RYR2: variants seen among roughly 807,000 people sequenced by gnomAD.
RYR2 encodes cardiac muscle ryanodine receptor-calcium release channel.
RYR2 carries 227 observed loss-of-function variants against 601.1 expected under a neutral mutation model. The observed-to-expected ratio is 0.38, with a 90% confidence interval of 0.34 to 0.42. RYR2 has a LOEUF of 0.42. Ranked by LOEUF, RYR2 falls within the 10% of genes least tolerant of loss-of-function variation. The pLI, the probability that RYR2 is intolerant of heterozygous loss-of-function variation, is 1.00. For synonymous variants in RYR2, 2,223 were observed against 2,175.1 expected, an observed-to-expected ratio of 1.02 and a Z score of -0.61; for missense variants, 4,646 against 6,156.5, an observed-to-expected ratio of 0.75 and a Z score of 8.21.
chr1:237,387,993 C>A, intron 9 of RYR2, 94 bp from the exon 10 acceptor site: 3 of 1,175,398 alleles, frequency 2.6e-6, no homozygotes, highest in African/African-American at 3.0e-5. Context: ...ACTTCAGTTT[C>A]TTTACGAAAG....
chr1:237,811,150 C>A (rs1661211230), intron 100 of RYR2, among the ~76,000 whole-genome samples: 1 of 152,160 alleles, frequency 6.6e-6, no homozygotes, highest in Non-Finnish European at 1.5e-5. Flanking sequence ...AGAAGATAAT[C>A]TGCCTTCAGT....
At chr1:237,440,204 A>G (rs1707781937) in intron 12 of RYR2, among the ~76,000 whole-genome samples, 1 of 152,140 alleles carries the variant, frequency 6.6e-6, no homozygotes, top group South Asian at 2.1e-4. Flanking sequence ...GACATGAAAA[A>G]TCTGTTAAAC....
At chr1:237,611,826 A>G (rs1008269555) in intron 36 of RYR2, among the ~76,000 whole-genome samples, 2 of 152,168 alleles carry the variant, frequency 1.3e-5, no homozygotes, top group Non-Finnish European at 2.9e-5. Flanking sequence ...TTATTTTAAT[A>G]TCTTTAAAAT....
Position 237,204,201 on chromosome 1 carries a change from G to C in RYR2, c.49-66296G>C, listed in dbSNP as rs568142716. Reference sequence around the variant, plus strand: ...AATTTTGTATTTTTTGTAGAGACAGGGTTTACCATGTTGGTCAGGCTGATC... The same window carrying C: ...AATTTTGTATTTTTTGTAGAGACAGCGTTTACCATGTTGGTCAGGCTGATC... On this transcript the variant is annotated intron_variant, in intron 1 of 104. Transcript: ENST00000366574. Among the ~76,000 whole-genome samples, 3 of 151,804 alleles carry C rather than the reference G, an allele frequency of 2.0e-5. No individual in the cohort carries two copies. In the South Asian group the frequency reaches 6.2e-4, roughly 32 times the overall value.
chr1:237,395,025 A>T (rs1008092623), intron 10 of RYR2, among the ~76,000 whole-genome samples: 2 of 152,190 alleles, frequency 1.3e-5, no homozygotes, highest in African/African-American at 4.8e-5. Context: ...TATCACAAGG[A>T]TAGCAAGGGG....
chr1:237,773,256 T>C (rs1367813876), intron 86 of RYR2, among the ~76,000 whole-genome samples: 1 of 152,186 alleles, frequency 6.6e-6, no homozygotes, highest in East Asian at 1.9e-4. Context: ...GTTTGTGAAG[T>C]TCAAGGTTAT....
At position 237,759,795 on chromosome 1, in the gene RYR2, A is replaced by AGGAGAAAAAGGATGTG; in HGVS notation, c.11348_11363dup (p.Phe3789GlufsTer18). On this transcript the variant is annotated frameshift_variant, in exon 83 of 105. Transcript: ENST00000366574. LOFTEE classifies it high-confidence loss of function. The stretch of plus-strand genomic sequence containing the variant: ...CCATAGAAAATGCTTGACTACCTCA[A>AGGAGAAAAAGGATGTG]GGAGAAAAAGGATGTGGGCTTCTTT... 6.2e-7 allele frequency: 1 copy of AGGAGAAAAAGGATGTG among 1,612,690 alleles called. No homozygotes were observed.
intron 2 of RYR2, among the ~76,000 whole-genome samples, chr1:237,273,011 C>T (rs145425011): frequency 1.2e-3 from 189 of 152,094 alleles, no homozygotes; most frequent in Middle Eastern, 6.8e-3. Context: ...TCCCATGAAC[C>T]GGGGCTGGAG....
intron 13 of RYR2, among the ~76,000 whole-genome samples, chr1:237,443,379 T>G (rs535852443): frequency 6.6e-6 from 1 of 152,296 alleles, no homozygotes; most frequent in Non-Finnish European, 1.5e-5. Context: ...TATGTTTAAG[T>G]AGCCTCCTGC....
At chr1:237,270,881 G>GATA in intron 2 of RYR2, among the ~76,000 whole-genome samples, 1 of 152,280 alleles carries the variant, frequency 6.6e-6, no homozygotes, top group South Asian at 2.1e-4. Context: ...AAGTAAATCA[G>GATA]TGATATAATT....
At chr1:237,516,172 G>A (rs532343676) in intron 24 of RYR2, among the ~76,000 whole-genome samples, 7 of 152,030 alleles carry the variant, frequency 4.6e-5, no homozygotes, top group East Asian at 3.9e-4. Context: ...GTGCAGTTAC[G>A]CGATCTCAGC....
At chr1:237,611,611 C>A (rs1315096916) in intron 36 of RYR2, among the ~76,000 whole-genome samples, 1 of 152,074 alleles carries the variant, frequency 6.6e-6, no homozygotes, top group Non-Finnish European at 1.5e-5. Flanking sequence ...ATTTAAGCAG[C>A]CTTCTTATCA....
chr1:237,452,167 T>C (rs974395828), intron 14 of RYR2, among the ~76,000 whole-genome samples: 11 of 148,334 alleles, frequency 7.4e-5, no homozygotes, highest in African/African-American at 2.5e-4. Flanking sequence ...ATAATGTGTG[T>C]GTATACGTGG....
intron 88 of RYR2, among the ~76,000 whole-genome samples, chr1:237,780,279 T>A (rs1694988778): frequency 6.6e-6 from 1 of 152,176 alleles, no homozygotes; most frequent in Admixed American, 6.5e-5. Context: ...TTCCAGTCTT[T>A]CATTTAATCA....
At chr1:237,318,272 C>CT (rs1225604467) in intron 2 of RYR2, among the ~76,000 whole-genome samples, 2 of 152,124 alleles carry the variant, frequency 1.3e-5, no homozygotes, top group African/African-American at 4.8e-5. Context: ...CCTTCATACT[C>CT]TTTTTTTGTG....
chr1:237,499,157 T>C (rs867725893), intron 20 of RYR2, among the ~76,000 whole-genome samples: 3 of 152,284 alleles, frequency 2.0e-5, no homozygotes, highest in Non-Finnish European at 4.4e-5. Flanking sequence ...CTTAACATTT[T>C]GTAATTGGAG....
chr1:237,629,315 A>G (rs1228905192), intron 41 of RYR2, among the ~76,000 whole-genome samples: 3 of 152,126 alleles, frequency 2.0e-5, no homozygotes, highest in Non-Finnish European at 4.4e-5. Flanking sequence ...CCCAGGCTCC[A>G]CCACGACACA....
intron 2 of RYR2, among the ~76,000 whole-genome samples, chr1:237,294,731 T>C (rs1480213915): frequency 6.6e-6 from 1 of 152,136 alleles, no homozygotes; most frequent in Non-Finnish European, 1.5e-5. Context: ...CTGGAGTGTA[T>C]GGTGGTTTCA....
At position 237,674,752 on chromosome 1, in the gene RYR2, G is replaced by A. The variant is rs762521873; in HGVS notation, c.8736G>A (p.Leu2912=). The stretch of plus-strand genomic sequence containing the variant: ...CCAGAGGATTTAAGGACCTGGAACT[G>A]GACACGCCTTCTATTGAGAAACGAT... ...AVSRGFKDLE[L]DTPSIEKRFA... Residue 2912 remains leucine, a synonymous_variant, in exon 60 of 105, where the codon CTG becomes CTA. Transcript: ENST00000366574. 2.2e-5 allele frequency: 35 copies of A among 1,611,108 alleles called. No individual in the cohort carries two copies. Among genetic ancestry groups the A allele is most frequent in the Non-Finnish European group, 2.9e-5 (34 of 1,177,686 alleles).
Sources: allele counts gnomAD v4.1 joint callset (sites outside exome capture counted in the v4.1 genomes callset), GRCh38; gene constraint gnomAD v4.1.1; transcripts MANE v1.5; gene names NCBI Gene and HGNC (gene_info 2026-07-23, HGNC 2026-07-21).